KLHL1: variants seen among roughly 807,000 people sequenced by gnomAD.
The protein encoded by KLHL1 is kelch-like protein 1.
Under a neutral mutation model 77.7 loss-of-function variants are expected in KLHL1, and 47 were observed. The observed-to-expected ratio is 0.60, with a 90% confidence interval of 0.48 to 0.77. The LOEUF is 0.77. Among genes scored for constraint, KLHL1 ranks in the 30% least tolerant of loss-of-function variants. The probability of loss-of-function intolerance (pLI) is 0.00; values close to 1 mark genes in which losing one functional copy is unlikely to be tolerated. For synonymous variants in KLHL1, 360 were observed against 325.2 expected (o/e 1.11, Z -1.15); for missense variants, 925 against 910.8 (o/e 1.02, Z -0.20).
intron 1 of KLHL1, among the ~76,000 whole-genome samples, chr13:70,056,045 C>T (rs865857395): frequency 1.2e-4 from 18 of 151,886 alleles, no homozygotes; most frequent in African/African-American, 3.6e-4. Flanking sequence ...GGATAAAAAA[C>T]AGACAATCAA....
chr13:69,962,805 G>A (rs1052498822), intron 2 of KLHL1, among the ~76,000 whole-genome samples: 8 of 151,870 alleles, frequency 5.3e-5, no homozygotes, highest in African/African-American at 1.5e-4. Flanking sequence ...TATGAGCTGG[G>A]AGCTACAACT....
At chr13:69,837,624 G>GTA (rs1879060700) in intron 6 of KLHL1, among the ~76,000 whole-genome samples, 1 of 128,646 alleles carries the variant, frequency 7.8e-6, no homozygotes, top group African/African-American at 3.5e-5. Context: ...CTATATATAT[G>GTA]TGTGTGTATA....
chr13:70,099,293 C>T (rs1378164285), intron 1 of KLHL1, among the ~76,000 whole-genome samples: 1 of 151,340 alleles, frequency 6.6e-6, no homozygotes, highest in African/African-American at 2.4e-5. Context: ...AAATTCTGCC[C>T]CATTAATGTA....
At chr13:69,812,701 CA>C (rs1877938065) in intron 6 of KLHL1, among the ~76,000 whole-genome samples, 1 of 150,810 alleles carries the variant, frequency 6.6e-6, no homozygotes, top group Non-Finnish European at 1.5e-5. Flanking sequence ...TTTATGCAGC[CA>C]AAAAACACAT....
chr13:70,000,616 C>T (rs1885264752), intron 1 of KLHL1, among the ~76,000 whole-genome samples: 1 of 151,672 alleles, frequency 6.6e-6, no homozygotes, highest in Non-Finnish European at 1.5e-5. Flanking sequence ...GACCACAATG[C>T]AAAATCACTG....
chr13:69,895,453 CTT>C (rs1235712739), intron 4 of KLHL1, among the ~76,000 whole-genome samples: 2 of 152,138 alleles, frequency 1.3e-5, no homozygotes, highest in African/African-American at 2.4e-5. Context: ...CATTAAATAA[CTT>C]TGGTATTTTT....
intron 1 of KLHL1, among the ~76,000 whole-genome samples, chr13:70,095,006 T>C (rs1887753482): frequency 6.6e-6 from 1 of 152,204 alleles, no homozygotes; most frequent in Admixed American, 6.5e-5. Flanking sequence ...TTCTTCCTTA[T>C]GTCTGAGCCT....
chr13:69,841,037 T>C (rs1186387775), intron 5 of KLHL1, among the ~76,000 whole-genome samples: 2 of 151,938 alleles, frequency 1.3e-5, no homozygotes, highest in African/African-American at 4.8e-5. Flanking sequence ...TCACTCCTTT[T>C]GGGAAAATTT....
At chr13:69,925,458 C>A (rs1198311529) in intron 4 of KLHL1, among the ~76,000 whole-genome samples, 2 of 151,694 alleles carry the variant, frequency 1.3e-5, no homozygotes, top group African/African-American at 4.9e-5. Flanking sequence ...TTTTTCTTGC[C>A]CCTCTTTGTA....
chr13:69,713,830 T>G (rs1409291035), intron 9 of KLHL1, among the ~76,000 whole-genome samples: 1 of 152,236 alleles, frequency 6.6e-6, no homozygotes, highest in South Asian at 2.1e-4. Flanking sequence ...CTACCAAATT[T>G]TACAATATTC....
intron 5 of KLHL1, among the ~76,000 whole-genome samples, chr13:69,866,209 G>A (rs1243281708): frequency 6.6e-6 from 1 of 152,004 alleles, no homozygotes; most frequent in African/African-American, 2.4e-5. Flanking sequence ...TGGAAAACCC[G>A]CACAGCTGAG....
At chr13:69,926,006 T>C (rs1882802418) in intron 4 of KLHL1, among the ~76,000 whole-genome samples, 2 of 152,244 alleles carry the variant, frequency 1.3e-5, no homozygotes, top group African/African-American at 4.8e-5. Context: ...CACTAATTAA[T>C]GTTGGACCTC....
intron 1 of KLHL1, among the ~76,000 whole-genome samples, chr13:70,027,707 T>C (rs970839617): frequency 1.8e-4 from 27 of 147,454 alleles, no homozygotes; most frequent in Non-Finnish European, 2.8e-4. Context: ...GCTTGGAGCA[T>C]AACCTCTTTA....
chr13:69,939,374 T>TACACACAC (rs1271739736), intron 4 of KLHL1, among the ~76,000 whole-genome samples: 3 of 97,132 alleles, frequency 3.1e-5, no homozygotes, highest in African/African-American at 1.3e-4. Context: ...TATATATATA[T>TACACACAC]ATATACACAC....
At chr13:70,029,116 G>C (rs1174044683) in intron 1 of KLHL1, among the ~76,000 whole-genome samples, 2 of 152,134 alleles carry the variant, frequency 1.3e-5, no homozygotes, top group Admixed American at 1.3e-4. Flanking sequence ...ACCATTCTGT[G>C]TTGAGTGTGT....
chr13:69,999,466 T>C (rs1368112009), intron 1 of KLHL1, among the ~76,000 whole-genome samples: 1 of 152,040 alleles, frequency 6.6e-6, no homozygotes, highest in Non-Finnish European at 1.5e-5. Flanking sequence ...TATAAAAACT[T>C]TGAGCTTGAA....
chr13:69,932,953 C>G (rs1364746273), intron 4 of KLHL1, among the ~76,000 whole-genome samples: 1 of 151,752 alleles, frequency 6.6e-6, no homozygotes, highest in Non-Finnish European at 1.5e-5. Context: ...AAAGAGTTCT[C>G]CATCTAATTC....
chr13:70,044,339 A>G (rs1174994353), intron 1 of KLHL1, among the ~76,000 whole-genome samples: 2 of 152,232 alleles, frequency 1.3e-5, no homozygotes, highest in African/African-American at 2.4e-5. Flanking sequence ...TCTCACAGAT[A>G]GGTTTCTTAT....
chr13:69,888,096 GC>G (rs1881285785), intron 4 of KLHL1, among the ~76,000 whole-genome samples: 1 of 152,054 alleles, frequency 6.6e-6, no homozygotes, highest in African/African-American at 2.4e-5. Flanking sequence ...TTGTTGTTTG[GC>G]GAGGGCTCCT....
Sources: allele counts gnomAD v4.1 joint callset (sites outside exome capture counted in the v4.1 genomes callset), GRCh38; gene constraint gnomAD v4.1.1; transcripts MANE v1.5; gene names NCBI Gene and HGNC (gene_info 2026-07-23, HGNC 2026-07-21).